Variants in CACNA1H observed in about 807,000 individuals in gnomAD.
CACNA1H encodes the protein calcium voltage-gated channel subunit alpha1 H, also known as voltage-dependent T-type calcium channel subunit alpha-1H.
In CACNA1H, 149 loss-of-function variants were observed where a neutral mutation model predicts 192.5. That is an observed-to-expected ratio of 0.77 (90% CI 0.68 to 0.89). The LOEUF (loss-of-function observed/expected upper bound fraction) is 0.89, where lower values mean the gene tolerates loss of function less well. Ranked by LOEUF, CACNA1H falls within the 40% of genes least tolerant of loss-of-function variation. The probability of loss-of-function intolerance (pLI) is 0.00; values close to 1 mark genes in which losing one functional copy is unlikely to be tolerated. For missense variants in CACNA1H, 4,257 were observed against 3,423.5 expected, an observed-to-expected ratio of 1.24 and a Z score of -6.08; for synonymous variants, 2,202 against 1,475.2, an observed-to-expected ratio of 1.49 and a Z score of -11.29.
At chr16:1,207,912 C>A (rs1968939220) in intron 15 of CACNA1H, 52 bp downstream of exon 15, 2 of 1,545,942 alleles carry the variant, frequency 1.3e-6, no homozygotes, top group Admixed American at 3.9e-5. Context: ...GTACGCTGGG[C>A]TGGCCGGGCA....
intron 2 of CACNA1H, among the ~76,000 whole-genome samples, chr16:1,186,431 C>T (rs566031393): frequency 1.1e-4 from 16 of 152,188 alleles, no homozygotes; most frequent in East Asian, 3.9e-4. Flanking sequence ...TGCAGAAAGC[C>T]GGACGATGCC....
intron 9 of CACNA1H, among the ~76,000 whole-genome samples, chr16:1,203,043 G>A (rs927733093): frequency 2.0e-5 from 3 of 152,310 alleles, no homozygotes; most frequent in Admixed American, 6.5e-5. Flanking sequence ...TCCTGGTTCT[G>A]TACACAGATG....
chr16:1,220,883 C>T lies in CACNA1H; in HGVS notation c.6951C>T (p.Pro2317=). The change falls in exon 35 of 35, where the codon CCC becomes CCT. Residue 2317 remains proline, a synonymous_variant. Transcript: ENST00000348261. Reference sequence around the variant, plus strand: ...AGCCTCCCATGCCCGTCGGTGACCCCCCAGAGAAGAGGCGGGGGCTGTACC... The same window carrying T: ...AGCCTCCCATGCCCGTCGGTGACCCTCCAGAGAAGAGGCGGGGGCTGTACC... The part of the protein sequence containing the change: ...ESEPPMPVGD[P]PEKRRGLYLT... 6.2e-7 allele frequency: 1 copy of T among 1,612,666 alleles called. No homozygotes were observed. The highest frequency in any genetic ancestry group is 8.5e-7 in the Non-Finnish European group (1 of 1,179,766).
intron 31 of CACNA1H, 124 bp downstream of exon 31, chr16:1,217,134 T>A: frequency 1.3e-6 from 1 of 770,750 alleles, no homozygotes; most frequent in Non-Finnish European, 2.1e-6. Context: ...GCCACACGCC[T>A]CCTGGGCGTC....
Position 1,215,295 on chromosome 16 carries a change from T to G in CACNA1H, c.5093T>G (p.Leu1698Arg). The G allele has an allele frequency of 6.2e-7, 1 of 1,610,108 alleles. No homozygotes were observed. Among genetic ancestry groups the G allele is most frequent in the Non-Finnish European group, 8.5e-7 (1 of 1,178,678 alleles). The part of the protein sequence containing the change: ...IVLLSLMGIT[L>R]EEIEMSAALP... ...CTGCTGTCACTCATGGGCATCACGC[T>G]GGAGGAGATAGAGATGAGCGCCGCG... is the stretch of plus-strand genomic sequence containing the variant. The change falls in exon 29 of 35, where the codon CTG (leucine) becomes CGG (arginine). Residue 1698 changes from leucine (L) to arginine (R), a missense_variant. Coordinates refer to ENST00000348261, the MANE Select transcript of CACNA1H (RefSeq NM_021098.3).
chr16:1,176,989 C>T (rs546200191), intron 2 of CACNA1H, among the ~76,000 whole-genome samples: 3 of 152,142 alleles, frequency 2.0e-5, no homozygotes, highest in African/African-American at 4.8e-5. Context: ...TGGGAGGAGG[C>T]GCTGGAAAAG....
intron 2 of CACNA1H, among the ~76,000 whole-genome samples, chr16:1,155,953 G>A (rs929419884): frequency 6.6e-6 from 1 of 152,018 alleles, no homozygotes; most frequent in African/African-American, 2.4e-5. Flanking sequence ...TGCTCTGGTA[G>A]CCCGAGAGGG....
intron 11 of CACNA1H, among the ~76,000 whole-genome samples, chr16:1,205,617 C>T (rs768451663): frequency 5.3e-5 from 8 of 152,232 alleles, no homozygotes; most frequent in African/African-American, 1.7e-4. Context: ...AGGCTGAATC[C>T]TGCTTGCTGC....
At chr16:1,186,901 C>T (rs1259424437) in intron 2 of CACNA1H, among the ~76,000 whole-genome samples, 7 of 152,214 alleles carry the variant, frequency 4.6e-5, no homozygotes, top group Non-Finnish European at 1.0e-4. Context: ...TTTGGAGCTG[C>T]CGCGGTTCTG....
chr16:1,210,841 A>T lies in CACNA1H; in HGVS notation c.4093A>T (p.Asn1365Tyr). 1 of 1,604,944 alleles carries T rather than the reference A, an allele frequency of 6.2e-7. No individual in the cohort carries two copies. The highest frequency in any genetic ancestry group is 2.2e-5 in the East Asian group (1 of 44,870). ...GCACGCCTACCTGCAGAGCAGCTGG[A>T]ACCTGCTGGATGGGCTGCTGGTGCT... ...GEHAYLQSSW[N>Y]LLDGLLVLVS... Residue 1365 changes from asparagine (N) to tyrosine (Y), a missense_variant, in exon 21 of 35, where the codon AAC becomes TAC. Coordinates refer to ENST00000348261, the MANE Select transcript of CACNA1H (RefSeq NM_021098.3).
At chr16:1,160,303 A>G (rs1486366485) in intron 2 of CACNA1H, 1 of 152,136 alleles carries the variant, frequency 6.6e-6, no homozygotes, top group Non-Finnish European at 1.5e-5. Context: ...GAACAACTCT[A>G]AGTCACGCGG....
chr16:1,195,596 T>G, intron 4 of CACNA1H, 31 bp downstream of exon 4: 1 of 1,571,790 alleles, frequency 6.4e-7, no homozygotes, highest in South Asian at 1.2e-5. Context: ...GCCACAGCGC[T>G]GGCGAAGGGG....
At chr16:1,157,591 C>G (rs909741430) in intron 2 of CACNA1H, 2 of 152,298 alleles carry the variant, frequency 1.3e-5, no homozygotes, top group Admixed American at 6.5e-5. Context: ...TCCCCGGGCT[C>G]CACGTGCCCC....
intron 2 of CACNA1H, among the ~76,000 whole-genome samples, chr16:1,193,544 C>G (rs1310399651): frequency 1.3e-5 from 2 of 152,264 alleles, no homozygotes; most frequent in African/African-American, 2.4e-5. Context: ...GGCGGCAGTG[C>G]GTGCTGTGGC....
At position 1,171,189 on chromosome 16, in the gene CACNA1H, C is replaced by T. The variant is rs539944997; in HGVS notation, c.299+17153C>T. On this transcript the variant is annotated intron_variant, in intron 2 of 34. Transcript: ENST00000348261. ...GGAGCCCTGGAAGTCCCTGCCCTGCCCAGCTGTCTGCTCACCCCCGCGCCG... is the reference window on the plus strand; with the variant it reads ...GGAGCCCTGGAAGTCCCTGCCCTGCTCAGCTGTCTGCTCACCCCCGCGCCG... Among the ~76,000 whole-genome samples, 244 of 152,222 alleles carry T rather than the reference C, an allele frequency of 1.6e-3. 1 individual carries two copies. The highest frequency in any genetic ancestry group is 2.9e-3 in the Non-Finnish European group (194 of 67,978).
At chr16:1,217,060 C>A (rs199656182) in intron 31 of CACNA1H, 50 bp downstream of exon 31, 3 of 1,447,280 alleles carry the variant, frequency 2.1e-6, no homozygotes, top group Non-Finnish European at 2.9e-6. Flanking sequence ...TCCTGACAGG[C>A]GCCCCTGTGC....
At chr16:1,200,233 G>A in intron 6 of CACNA1H, 23 bp from the exon 7 acceptor site, 1 of 1,570,026 alleles carries the variant, frequency 6.4e-7, no homozygotes, top group Non-Finnish European at 8.6e-7. Flanking sequence ...GTACCTTTTG[G>A]CCCTGGCTGT....
chr16:1,199,595 CT>C (rs1373415032), intron 6 of CACNA1H, among the ~76,000 whole-genome samples: 1 of 151,066 alleles, frequency 6.6e-6, no homozygotes, highest in Admixed American at 6.6e-5. Context: ...TCCGTCACAC[CT>C]TACCCCAGGG....
At chr16:1,158,472 G>A (rs769653959) in intron 2 of CACNA1H, among the ~76,000 whole-genome samples, 2 of 152,288 alleles carry the variant, frequency 1.3e-5, no homozygotes, top group Admixed American at 6.5e-5. Context: ...TCTGCCGAGC[G>A]CCTGTCGTAG....
Sources: gnomAD v4.1 joint callset for allele counts (sites outside exome capture counted in the v4.1 genomes callset) on GRCh38, gnomAD v4.1.1 for gene constraint, MANE v1.5 for transcripts, NCBI Gene and HGNC (gene_info 2026-07-23, HGNC 2026-07-21) for gene names.